The following NELFB variants were observed in gnomAD, a reference collection of about 807,000 sequenced individuals.
NELFB encodes the protein negative elongation factor B.
In NELFB, 34 loss-of-function variants were observed where a neutral mutation model predicts 60.2. The observed-to-expected ratio is 0.56, with a 90% confidence interval of 0.43 to 0.75. NELFB has a LOEUF of 0.75. NELFB is among the 30% of genes least tolerant of loss of function. The pLI is 0.00. For missense variants in NELFB, 770 were observed against 831.6 expected (o/e 0.93, Z 0.91); for synonymous variants, 459 against 382.1 (o/e 1.20, Z -2.35).
chr9:137,264,189 G>A (rs983149133), intron 5 of NELFB, 56 bp from the exon 6 acceptor site: 15 of 1,376,224 alleles, frequency 1.1e-5, no homozygotes, highest in African/African-American at 2.9e-5. Context: ...TGGGGCCTGG[G>A]TCTCTGGTCA....
rs755626905 is a variant in NELFB, at chr9:137,255,619, G to A, written c.246+8G>A. ...GCCATCGAGCAGTTCCAGGTGGGGC[G>A]GCCCCCGGGGCGGGGGGAGCCCAGT... On this transcript the variant is annotated splice_region_variant and intron_variant, in intron 1 of 12. Coordinates refer to ENST00000343053, the MANE Select transcript of NELFB (RefSeq NM_015456.5). 52 of 1,543,756 alleles carry A rather than the reference G, an allele frequency of 3.4e-5. No individual in the cohort carries two copies. The highest frequency in any genetic ancestry group is 4.5e-5 in the Non-Finnish European group (51 of 1,144,526).
intron 4 of NELFB, among the ~76,000 whole-genome samples, chr9:137,257,809 TTTTTTTTTC>T (rs1564441797): frequency 1.2e-4 from 2 of 16,772 alleles, no homozygotes; most frequent in South Asian, 4.6e-3. Flanking sequence ...GCTTTTTTTC[TTTTTTTTTC>T]TTTTTTAAGA....
intron 10 of NELFB, among the ~76,000 whole-genome samples, chr9:137,268,846 C>T (rs1047805801): frequency 2.0e-5 from 3 of 151,802 alleles, no homozygotes; most frequent in African/African-American, 7.3e-5. Flanking sequence ...GTAAGAGAGA[C>T]AGAGACAGGA....
At position 137,269,814 on chromosome 9, in the gene NELFB, C is replaced by G. The variant is rs919297011; in HGVS notation, c.1490-2267C>G. Among the ~76,000 whole-genome samples the G allele has an allele frequency of 1.3e-5, 2 of 152,218 alleles. No individual in the cohort carries two copies. The highest frequency in any genetic ancestry group is 6.5e-5 in the Admixed American group (1 of 15,270). ...TCTCTCATTTGATTGTGGCTAGAAA[C>G]AGGCTGGGAACCAGGAGTGCAGCTT... On this transcript the variant is annotated intron_variant, in intron 10 of 12. Coordinates refer to ENST00000343053, the MANE Select transcript of NELFB (RefSeq NM_015456.5). This position sits in a 1 kb window ranked among gnomAD's most constrained non-coding sequence, Gnocchi z 5.3.
At chr9:137,265,581 G>T (rs2118984661) in intron 6 of NELFB, among the ~76,000 whole-genome samples, 1 of 151,590 alleles carries the variant, frequency 6.6e-6, no homozygotes, top group African/African-American at 2.4e-5. Context: ...GTAGAGACAG[G>T]GTTTCACTTT....
intron 6 of NELFB, among the ~76,000 whole-genome samples, chr9:137,265,387 C>CTTTTCTTT (rs1830505398): frequency 1.1e-5 from 1 of 91,832 alleles, no homozygotes; most frequent in Non-Finnish European, 2.0e-5. Flanking sequence ...AAACCTTAAG[C>CTTTTCTTT]TTTTTTTTTT....
At position 137,269,561 on chromosome 9, in the gene NELFB, T is replaced by C. The variant is rs1322023647; in HGVS notation, c.1489+2215T>C. On this transcript the variant is annotated intron_variant, in intron 10 of 12. Transcript: ENST00000343053. The surrounding 1 kb of genome is among the most constrained non-coding windows in gnomAD (Gnocchi z 5.3). Reference sequence around the variant, plus strand: ...ACGCGGTCACATAAGCTGACAATACTGTATTTTTACTCCACTTTCTCTATT... The same window carrying C: ...ACGCGGTCACATAAGCTGACAATACCGTATTTTTACTCCACTTTCTCTATT... 2.6e-5 allele frequency among the ~76,000 whole-genome samples: 4 copies of C among 152,244 alleles called. No individual in the cohort carries two copies. Among genetic ancestry groups the C allele is most frequent in the African/African-American group, 9.6e-5 (4 of 41,468 alleles).
intron 4 of NELFB, among the ~76,000 whole-genome samples, chr9:137,262,121 G>A (rs554657276): frequency 1.3e-5 from 2 of 152,336 alleles, no homozygotes; most frequent in South Asian, 4.1e-4. Context: ...GGCGGACAAG[G>A]AGCGTGACCA....
chr9:137,256,713 G>T, intron 3 of NELFB, 111 bp from the exon 4 acceptor site: 1 of 965,770 alleles, frequency 1.0e-6, no homozygotes, highest in Non-Finnish European at 1.6e-6. Flanking sequence ...GTGCCCTGTG[G>T]GGTGGAGCTT....
chr9:137,265,092 TG>T (rs1438673418), intron 6 of NELFB, among the ~76,000 whole-genome samples: 1 of 142,334 alleles, frequency 7.0e-6, no homozygotes, highest in East Asian at 2.3e-4. Flanking sequence ...TTTAGTGCAG[TG>T]GTACAGTCTC....
chr9:137,273,151 CT>C lies in NELFB; in HGVS notation c.*226del, dbSNP rs1383199637. On this transcript the variant is annotated 3_prime_UTR_variant, in exon 13 of 13. Transcript: ENST00000343053. ...TCCCAGGGCAGAGCCTCTCCTTGTA[CT>C]TTGGCAGCCATAGAAAGCGTGCTCA... The C allele has an allele frequency of 4.5e-6, 2 of 443,114 alleles. No individual in the cohort carries two copies. The highest frequency in any genetic ancestry group is 7.9e-6 in the Non-Finnish European group (2 of 253,118). 27.4% of individuals were successfully genotyped at this position (443,114 alleles called of 1,614,324 possible). A position where few individuals can be genotyped will look rare whatever the true frequency, so the allele number is the denominator to read the frequency against.
intron 4 of NELFB, among the ~76,000 whole-genome samples, chr9:137,260,971 ATCAC>A (rs1303921984): frequency 6.6e-6 from 1 of 151,760 alleles, no homozygotes; most frequent in Non-Finnish European, 1.5e-5. Context: ...AGGCAGGAGA[ATCAC>A]TTGAACCCGG....
intron 4 of NELFB, among the ~76,000 whole-genome samples, chr9:137,261,340 A>C (rs1299464943): frequency 8.1e-6 from 1 of 124,072 alleles, no homozygotes; most frequent in South Asian, 2.7e-4. Context: ...ACTCGGTTTC[A>C]AAAAAAAAAA....
chr9:137,257,317 C>T (rs1471952022), intron 4 of NELFB, among the ~76,000 whole-genome samples: 1 of 152,008 alleles, frequency 6.6e-6, no homozygotes, highest in Admixed American at 6.6e-5. Context: ...GAAGTTAATC[C>T]CCCCTCCCCT....
At chr9:137,272,346 G>C (rs1400088391) in intron 11 of NELFB, 124 bp downstream of exon 11, 1 of 1,501,756 alleles carries the variant, frequency 6.7e-7, no homozygotes, top group African/African-American at 1.4e-5. Context: ...TTGGGCACCA[G>C]GGCTCGCATG....
intron 5 of NELFB, 107 bp from the exon 6 acceptor site, chr9:137,264,138 C>G: frequency 2.5e-6 from 2 of 791,442 alleles, no homozygotes; most frequent in Non-Finnish European, 4.1e-6. Flanking sequence ...CCCCCCGCAG[C>G]AGCTATGATT....
intron 10 of NELFB, among the ~76,000 whole-genome samples, chr9:137,271,214 A>G (rs1313509274): frequency 6.6e-6 from 1 of 152,252 alleles, no homozygotes; most frequent in Non-Finnish European, 1.5e-5. Context: ...CCACCTGGCC[A>G]TGTGGCCGGC....
Position 137,262,339 on chromosome 9 carries a change from A to G in NELFB, c.742-698A>G, listed in dbSNP as rs181924393. Among the ~76,000 whole-genome samples, 55 of 152,274 alleles carry G rather than the reference A, an allele frequency of 3.6e-4. 2 individuals are homozygous for G. The East Asian group carries it at 7.7e-3, about 21-fold the overall frequency. On this transcript the variant is annotated intron_variant, in intron 4 of 12. Transcript: ENST00000343053. ...CCGCTAGACCCTGGTCCGCCTGGCA[A>G]CGGGCGTCTTCCCAGATGCTGGCGT...
At chr9:137,261,787 C>T (rs1830449875) in intron 4 of NELFB, among the ~76,000 whole-genome samples, 1 of 152,052 alleles carries the variant, frequency 6.6e-6, no homozygotes, top group Non-Finnish European at 1.5e-5. Context: ...GAAAAGACAG[C>T]TGGGCCCGGG....
Sources: gnomAD v4.1 joint callset for allele counts (sites outside exome capture counted in the v4.1 genomes callset) on GRCh38, gnomAD v4.1.1 for gene constraint, Gnocchi (gnomAD v3.1) non-coding constraint, MANE v1.5 for transcripts, NCBI Gene and HGNC (gene_info 2026-07-23, HGNC 2026-07-21) for gene names.